Variants in PGLYRP3 observed in about 807,000 individuals in gnomAD.
PGLYRP3 encodes the protein peptidoglycan recognition protein 3, also known as peptidoglycan recognition protein I alpha.
Under a neutral mutation model 36.0 loss-of-function variants are expected in PGLYRP3, and 39 were observed. The ratio of observed to expected loss-of-function variants is 1.08; its 90% CI spans 0.84 to 1.41. The LOEUF (loss-of-function observed/expected upper bound fraction) is 1.41, where lower values mean the gene tolerates loss of function less well. Among genes scored for constraint, PGLYRP3 ranks in the 40% most tolerant of loss-of-function variants. PGLYRP3 has a pLI of 0.00. For synonymous variants in PGLYRP3, 204 were observed against 172.8 expected, an observed-to-expected ratio of 1.18 and a Z score of -1.42; for missense variants, 407 against 427.9, an observed-to-expected ratio of 0.95 and a Z score of 0.43.
chr1:153,302,055 G>C (rs1322514738), intron 6 of PGLYRP3, among the ~76,000 whole-genome samples: 1 of 152,216 alleles, frequency 6.6e-6, no homozygotes, highest in African/African-American at 2.4e-5. Context: ...GGCAGACTGA[G>C]ATAGGAGTGA....
Position 153,310,315 on chromosome 1 carries a change from G to A in PGLYRP3, c.55+296C>T, listed in dbSNP as rs192056651. Among the ~76,000 whole-genome samples, 4 of 152,242 alleles carry A rather than the reference G, an allele frequency of 2.6e-5. No individual in the cohort carries two copies. In the East Asian group the frequency reaches 5.8e-4, roughly 22 times the overall value. ...CTACTTGGGCATTGTGCTAAATGGC[G>A]CACACTTGTGATCTAATTTAATCCT... On this transcript the variant is annotated intron_variant, in intron 2 of 7. Coordinates refer to ENST00000683862, the MANE Select transcript of PGLYRP3 (RefSeq NM_052891.3).
chr1:153,302,044 G>A (rs1384000243), intron 6 of PGLYRP3, among the ~76,000 whole-genome samples: 1 of 152,176 alleles, frequency 6.6e-6, no homozygotes, highest in Non-Finnish European at 1.5e-5. Flanking sequence ...GTTTGGAGCT[G>A]GGCAGACTGA....
In PGLYRP3 at chr1:153,302,442, A is replaced by C; in HGVS notation, c.695T>G (p.Met232Arg). 1 of 1,614,170 alleles carries C rather than the reference A, an allele frequency of 6.2e-7. No individual in the cohort carries two copies. Among genetic ancestry groups the C allele is most frequent in the Non-Finnish European group, 8.5e-7 (1 of 1,180,034 alleles). ...TVVRNIQSFH[M>R]DTRNFCDIGY... ...AATGTCACAAAAGTTCCGTGTGTCC[A>C]TGTGAAAGGACTGTATGTTTCGGAC... is the stretch of plus-strand genomic sequence containing the variant. Residue 232 changes from methionine (M) to arginine (R), a missense_variant, in exon 6 of 8, where the codon ATG becomes AGG. Met to Arg is a moderately conservative substitution (Grantham distance 91). Transcript: ENST00000683862.
chr1:153,302,303 C>T, intron 6 of PGLYRP3, 106 bp downstream of exon 6: 1 of 1,277,442 alleles, frequency 7.8e-7, no homozygotes, highest in East Asian at 2.3e-5. Flanking sequence ...TTATGGAAAC[C>T]ACCCAGCCCA....
chr1:153,301,759 T>C (rs1432304150), intron 6 of PGLYRP3, among the ~76,000 whole-genome samples: 1 of 152,270 alleles, frequency 6.6e-6, no homozygotes, highest in African/African-American at 2.4e-5. Context: ...TACATTATAC[T>C]CTAGCCCTAA....
chr1:153,300,437 CTCTCATA>C (rs2101510921), intron 6 of PGLYRP3, among the ~76,000 whole-genome samples: 2 of 152,324 alleles, frequency 1.3e-5, no homozygotes, highest in South Asian at 4.1e-4. Flanking sequence ...AGCCCTCCTT[CTCTCATA>C]TCTATCAGTG....
At chr1:153,311,002 T>A (rs905004049) in intron 1 of PGLYRP3, among the ~76,000 whole-genome samples, 1 of 152,132 alleles carries the variant, frequency 6.6e-6, no homozygotes, top group African/African-American at 2.4e-5. Flanking sequence ...AAAATAACAA[T>A]TTCTAAAATC....
chr1:153,299,499 A>T (rs536372178), intron 6 of PGLYRP3, among the ~76,000 whole-genome samples: 34 of 152,202 alleles, frequency 2.2e-4, no homozygotes, highest in African/African-American at 7.2e-4. Flanking sequence ...AGTACAATGG[A>T]CACTTACTTT....
rs1557805513 is a variant in PGLYRP3 at position 153,297,585 on chromosome 1, A to AAAGAAAGAAAGAAAGAAAGAAAG, written c.*370_*371insCTTTCTTTCTTTCTTTCTTTCTT. ...AAAAAGAAAGAAAGAAAGAAAGAAG[A>AAAGAAAGAAAGAAAGAAAGAAAG]AAGAAAGAAAGAAAGAAAGAGAAAG... On this transcript the variant is annotated 3_prime_UTR_variant, in exon 8 of 8. Transcript: ENST00000683862. Among the ~76,000 whole-genome samples, 2 of 48,492 alleles carry AAAGAAAGAAAGAAAGAAAGAAAG rather than the reference A, an allele frequency of 4.1e-5. No individual in the cohort carries two copies. The highest frequency in any genetic ancestry group is 1.5e-4 in the African/African-American group (2 of 13,760). 31.8% of individuals were successfully genotyped at this position (48,492 alleles called of 152,430 possible). A position where few individuals can be genotyped will look rare whatever the true frequency, so the allele number is the denominator to read the frequency against.
chr1:153,308,063 C>T (rs1482531305), intron 2 of PGLYRP3, among the ~76,000 whole-genome samples: 1 of 151,692 alleles, frequency 6.6e-6, no homozygotes, highest in East Asian at 1.9e-4. Flanking sequence ...GGCGCGATCT[C>T]GGCTCACTGC....
intron 3 of PGLYRP3, among the ~76,000 whole-genome samples, chr1:153,306,488 C>G (rs564802682): frequency 5.4e-4 from 82 of 152,322 alleles, no homozygotes; most frequent in African/African-American, 1.9e-3. Context: ...CCACTCTCCC[C>G]GGTGGGGTCC....
chr1:153,302,487 G>A lies in PGLYRP3; in HGVS notation c.650C>T (p.Ser217Phe), dbSNP rs1465853175. Residue 217 changes from serine (S) to phenylalanine (F), a missense_variant, in exon 6 of 8, where the codon TCC becomes TTC. Coordinates refer to ENST00000683862, the MANE Select transcript of PGLYRP3 (RefSeq NM_052891.3). ...IHTAGTSCTV[S>F]TDCQTVVRNI... ...TCGGACGACAGTCTGGCAGTCTGTG[G>A]ATACAGTGCAGCTTGTGCCAGCGGT... 1.2e-6 allele frequency: 2 copies of A among 1,614,210 alleles called. No homozygotes were observed. Among genetic ancestry groups the A allele is most frequent in the Non-Finnish European group, 1.7e-6 (2 of 1,180,034 alleles).
At chr1:153,304,072 T>G in intron 4 of PGLYRP3, 63 bp from the exon 5 acceptor site, 31 of 1,484,084 alleles carry the variant, frequency 2.1e-5, no homozygotes, top group Non-Finnish European at 2.9e-5. Context: ...ACCAGACACC[T>G]GCAGAAAGGA....
rs1261270368 is a variant in PGLYRP3 at position 153,299,619 on chromosome 1, C to T, written c.729-388G>A. Among the ~76,000 whole-genome samples, 9 of 152,236 alleles carry T rather than the reference C, an allele frequency of 5.9e-5. No individual in the cohort carries two copies. The East Asian group carries it at 1.5e-3, about 26-fold the overall frequency. Reference sequence around the variant, plus strand: ...TCCTCCTCCTGCTGCTCCCTCAGGCCCCTCTCCCACCCCACCTTACCTTCC... The same window carrying T: ...TCCTCCTCCTGCTGCTCCCTCAGGCTCCTCTCCCACCCCACCTTACCTTCC... On this transcript the variant is annotated intron_variant, in intron 6 of 7. Coordinates refer to ENST00000683862, the MANE Select transcript of PGLYRP3 (RefSeq NM_052891.3).
chr1:153,308,951 C>A (rs1415586987), intron 2 of PGLYRP3, among the ~76,000 whole-genome samples: 2 of 152,136 alleles, frequency 1.3e-5, no homozygotes, highest in Admixed American at 6.5e-5. Context: ...CCGTCGGTAC[C>A]CAGCAGAGTG....
At chr1:153,310,791 C>T (rs1023431097) in intron 1 of PGLYRP3, 85 bp from the exon 2 acceptor site, 3 of 853,304 alleles carry the variant, frequency 3.5e-6, no homozygotes, top group Non-Finnish European at 5.7e-6. Context: ...CTGTCTGCCT[C>T]CCCTACCATC....
intron 3 of PGLYRP3, among the ~76,000 whole-genome samples, chr1:153,305,645 T>C (rs1248750632): frequency 2.0e-5 from 3 of 152,252 alleles, no homozygotes; most frequent in Non-Finnish European, 2.9e-5. Flanking sequence ...GTCTTCAGAA[T>C]TGATGTTTTC....
intron 6 of PGLYRP3, among the ~76,000 whole-genome samples, chr1:153,300,287 A>G (rs373456694): frequency 2.0e-5 from 3 of 152,094 alleles, no homozygotes; most frequent in African/African-American, 4.8e-5. Context: ...CCATGTCCCA[A>G]TGAGGATACT....
intron 4 of PGLYRP3, among the ~76,000 whole-genome samples, chr1:153,304,347 C>T (rs1415934839): frequency 6.6e-6 from 1 of 152,206 alleles, no homozygotes; most frequent in Non-Finnish European, 1.5e-5. Context: ...CCAGAATTTA[C>T]TCATAGCTCC....
Sources: allele counts gnomAD v4.1 joint callset (sites outside exome capture counted in the v4.1 genomes callset), GRCh38; gene constraint gnomAD v4.1.1; transcripts MANE v1.5; gene names NCBI Gene and HGNC (gene_info 2026-07-23, HGNC 2026-07-21).